Variants in GRTP1 observed in about 807,000 individuals in gnomAD.
The protein encoded by GRTP1 is growth hormone regulated TBC protein 1, also known as growth hormone-regulated TBC protein 1.
In GRTP1, 56 loss-of-function variants were observed where a neutral mutation model predicts 38.1. The ratio of observed to expected loss-of-function variants is 1.47; its 90% CI spans 1.19 to 1.84. The LOEUF is 1.84. GRTP1 is among the 40% of genes most tolerant of loss of function. The pLI is 0.00. For missense variants in GRTP1, 506 were observed against 453.9 expected, an observed-to-expected ratio of 1.11 and a Z score of -1.04; for synonymous variants, 217 against 189.5, an observed-to-expected ratio of 1.14 and a Z score of -1.19.
At chr13:113,333,834 ATTTAGTGTGT>A (rs1297948898) in intron 5 of GRTP1, among the ~76,000 whole-genome samples, 4 of 92,064 alleles carry the variant, frequency 4.3e-5, no homozygotes, top group African/African-American at 1.8e-4. Flanking sequence ...TTATTTATTT[ATTTAGTGTGT>A]GTGTGTGTGT....
chr13:113,353,613 G>A (rs533007127), intron 3 of GRTP1, among the ~76,000 whole-genome samples: 9 of 151,732 alleles, frequency 5.9e-5, no homozygotes, highest in East Asian at 3.9e-4. Context: ...CACGGGGGTC[G>A]GTGCTTGACA....
chr13:113,345,449 C>T (rs1015043910), intron 4 of GRTP1, among the ~76,000 whole-genome samples: 2 of 152,376 alleles, frequency 1.3e-5, no homozygotes, highest in South Asian at 2.1e-4. Context: ...GCGGGTGCTG[C>T]CTCCAACATC....
chr13:113,354,671 G>GGT (rs2043347884), intron 3 of GRTP1, among the ~76,000 whole-genome samples: 1 of 152,066 alleles, frequency 6.6e-6, no homozygotes, highest in Non-Finnish European at 1.5e-5. Context: ...TGGGATTACA[G>GGT]GCATGCGCCA....
chr13:113,333,479 A>T (rs1038477503), intron 5 of GRTP1, among the ~76,000 whole-genome samples: 17 of 152,260 alleles, frequency 1.1e-4, no homozygotes, highest in African/African-American at 3.6e-4. Flanking sequence ...ATTTCTCTTC[A>T]GTGCCTGTGC....
At chr13:113,331,357 G>A (rs2042868669) in intron 5 of GRTP1, among the ~76,000 whole-genome samples, 1 of 152,178 alleles carries the variant, frequency 6.6e-6, no homozygotes, top group Non-Finnish European at 1.5e-5. Flanking sequence ...GGATGGCCTT[G>A]CCTCTGTGAG....
At position 113,344,896 on chromosome 13, in the gene GRTP1, G is replaced by T. The variant is rs537584938; in HGVS notation, c.529C>A (p.Leu177Met). 2 of 1,606,544 alleles carry T rather than the reference G, an allele frequency of 1.2e-6. No homozygotes were observed. Among genetic ancestry groups the T allele is most frequent in the African/African-American group, 2.7e-5 (2 of 74,760 alleles). Residue 177 changes from leucine (L) to methionine (M), a missense_variant, in exon 5 of 8, where the codon CTG becomes ATG. By Grantham distance (15) the Leu-to-Met change is conservative. Coordinates refer to ENST00000375431, the MANE Select transcript of GRTP1 (RefSeq NM_024719.4). Reference sequence around the variant, plus strand: ...ATTCTTCCAACAAGAGCATCTAACAGCCAAAAAGATTCTTCTTCATTATTT... The same window carrying T: ...ATTCTTCCAACAAGAGCATCTAACATCCAAAAAGATTCTTCTTCATTATTT... ...ITNNEEESFW[L>M]LDALVGRILP...
At chr13:113,335,897 A>T (rs1281112180) in intron 5 of GRTP1, among the ~76,000 whole-genome samples, 2 of 151,840 alleles carry the variant, frequency 1.3e-5, no homozygotes, top group Non-Finnish European at 2.9e-5. Flanking sequence ...GGTTCAAGCG[A>T]TTCTCCTGCC....
At chr13:113,333,871 G>GTA (rs2042915219) in intron 5 of GRTP1, among the ~76,000 whole-genome samples, 1 of 143,876 alleles carries the variant, frequency 7.0e-6, no homozygotes, top group African/African-American at 2.6e-5. Flanking sequence ...GTGTGTGTGT[G>GTA]TGTCCGAGGC....
chr13:113,359,046 G>T (rs956859849), intron 2 of GRTP1, among the ~76,000 whole-genome samples: 2 of 152,170 alleles, frequency 1.3e-5, no homozygotes, highest in African/African-American at 4.8e-5. Flanking sequence ...ATCCGTAAAT[G>T]AAGTACCTCA....
chr13:113,330,334 A>G (rs1470831994), intron 5 of GRTP1, among the ~76,000 whole-genome samples: 3 of 108,370 alleles, frequency 2.8e-5, no homozygotes, highest in African/African-American at 3.9e-5. Flanking sequence ...ATGGAAACCC[A>G]GGTGTGTGCA....
At chr13:113,340,407 A>T (rs2043010284) in intron 5 of GRTP1, among the ~76,000 whole-genome samples, 1 of 147,720 alleles carries the variant, frequency 6.8e-6, no homozygotes, top group South Asian at 2.2e-4. Context: ...TGAGCTAAGG[A>T]GGTCGAGGCT....
Position 113,346,203 on chromosome 13 carries a change from C to T in GRTP1, c.466-1244G>A, listed in dbSNP as rs1161558555. Among the ~76,000 whole-genome samples the T allele has an allele frequency of 4.8e-3, 540 of 113,422 alleles. 29 individuals carry two copies. Among genetic ancestry groups the T allele is most frequent in the Admixed American group, 0.011 (113 of 9,830 alleles). The allele number at this position is 113,422 out of a possible 152,430, so 74.4% of individuals were successfully genotyped here. A position where few individuals can be genotyped will look rare whatever the true frequency, so the allele number is the denominator to read the frequency against. On this transcript the variant is annotated intron_variant, in intron 4 of 7. Transcript: ENST00000375431. The stretch of plus-strand genomic sequence containing the variant: ...GAGGACCTCTGTGGCTGAGAGCAGA[C>T]CCGGGAGGACCTCTGTGGCTGAGAA...
At chr13:113,328,311 A>G (rs1250106752) in intron 5 of GRTP1, among the ~76,000 whole-genome samples, 1 of 152,178 alleles carries the variant, frequency 6.6e-6, no homozygotes, top group Admixed American at 6.5e-5. Flanking sequence ...CACACCCCTC[A>G]GGGTCTGCGG....
At position 113,326,027 on chromosome 13, in the gene GRTP1, C is replaced by T. The variant is rs2042761805; in HGVS notation, c.627G>A (p.Arg209=). The T allele has an allele frequency of 3.1e-6, 5 of 1,613,278 alleles. No homozygotes were observed. The highest frequency in any genetic ancestry group is 2.2e-5 in the East Asian group (1 of 44,860). Residue 209 remains arginine, a synonymous_variant, in exon 6 of 8, where the codon CGG becomes CGA. Transcript: ENST00000375431. ...GGGCCCCCACAGCCGGCAGCTTCGC[C>T]CGCACCAGCTCCCCGAGGACCTCCT... ...TDQEVLGELV[R]AKLPAVGALM...
intron 5 of GRTP1, among the ~76,000 whole-genome samples, chr13:113,329,041 C>G (rs1354870855): frequency 1.3e-5 from 2 of 152,266 alleles, no homozygotes; most frequent in African/African-American, 4.8e-5. Flanking sequence ...GCCCAGGCGC[C>G]AGCCACGCTT....
chr13:113,333,835 TTTA>T (rs1416531263), intron 5 of GRTP1, among the ~76,000 whole-genome samples: 41 of 93,664 alleles, frequency 4.4e-4, no homozygotes, highest in African/African-American at 1.8e-3. Context: ...TATTTATTTA[TTTA>T]GTGTGTGTGT....
intron 5 of GRTP1, among the ~76,000 whole-genome samples, chr13:113,334,280 A>ACTGCCTCCTGCC (rs1202504022): frequency 1.4e-5 from 2 of 142,484 alleles, no homozygotes; most frequent in East Asian, 4.1e-4. Context: ...CACTGCCACG[A>ACTGCCTCCTGCC]CAGCCTCCCG....
chr13:113,327,502 G>A (rs780527318), intron 5 of GRTP1, among the ~76,000 whole-genome samples: 2 of 152,166 alleles, frequency 1.3e-5, no homozygotes, highest in Admixed American at 6.5e-5. Context: ...CAATATCTTG[G>A]TTAAAATAGA....
Position 113,326,109 on chromosome 13 carries a change from G to GA in GRTP1, c.563-19dup. On this transcript the variant is annotated intron_variant, in intron 5 of 7. Coordinates refer to ENST00000375431, the MANE Select transcript of GRTP1 (RefSeq NM_024719.4). ...GTAGTAATCTGCCAGGCAATGTGGA[G>GA]AAAAGACCCCGAGACACTCCCGTCA... is the stretch of plus-strand genomic sequence containing the variant. 1 of 1,603,574 alleles carries GA rather than the reference G, an allele frequency of 6.2e-7. No homozygotes were observed. Among genetic ancestry groups the GA allele is most frequent in the East Asian group, 2.2e-5 (1 of 44,816 alleles).
Sources: gnomAD v4.1 joint callset for allele counts (sites outside exome capture counted in the v4.1 genomes callset) on GRCh38, gnomAD v4.1.1 for gene constraint, MANE v1.5 for transcripts, NCBI Gene and HGNC (gene_info 2026-07-23, HGNC 2026-07-21) for gene names.